The following ABCC11 variants were observed in gnomAD, a reference collection of about 807,000 sequenced individuals.
The protein encoded by ABCC11 is ATP binding cassette subfamily C member 11.
In ABCC11, 135 loss-of-function variants were observed where a neutral mutation model predicts 149.3. That is an observed-to-expected ratio of 0.90 (90% CI 0.79 to 1.04). The LOEUF (loss-of-function observed/expected upper bound fraction) is 1.04. Among genes scored for constraint, ABCC11 ranks in the 50% least tolerant of loss-of-function variants. The pLI is 0.00. For missense variants in ABCC11, 1,680 were observed against 1,722.1 expected, an observed-to-expected ratio of 0.98 and a Z score of 0.43; for synonymous variants, 665 against 671.4, an observed-to-expected ratio of 0.99 and a Z score of 0.15.
intron 26 of ABCC11, among the ~76,000 whole-genome samples, chr16:48,172,372 T>C (rs1335539055): frequency 6.6e-6 from 1 of 152,200 alleles, no homozygotes; most frequent in Non-Finnish European, 1.5e-5. Context: ...TTCAACACTT[T>C]GGGATATATA....
intron 3 of ABCC11, among the ~76,000 whole-genome samples, chr16:48,229,896 C>T (rs944924233): frequency 2.0e-5 from 3 of 152,188 alleles, no homozygotes; most frequent in African/African-American, 7.2e-5. Context: ...TTCCTGGACA[C>T]ATCATGCTGT....
intron 23 of ABCC11, among the ~76,000 whole-genome samples, chr16:48,180,293 T>C (rs955607415): frequency 6.6e-6 from 1 of 152,234 alleles, no homozygotes; most frequent in Non-Finnish European, 1.5e-5. Flanking sequence ...AGTTATCTCC[T>C]CTCCAGCCTT....
At position 48,218,151 on chromosome 16, in the gene ABCC11, C is replaced by T. The variant is rs147452809; in HGVS notation, c.778-1864G>A. Among the ~76,000 whole-genome samples, 508 of 152,126 alleles carry T rather than the reference C, an allele frequency of 3.3e-3. 2 individuals are homozygous for T. Among genetic ancestry groups the T allele is most frequent in the African/African-American group, 0.012 (486 of 41,510 alleles). On this transcript the variant is annotated intron_variant, in intron 6 of 29. Coordinates refer to ENST00000356608, the MANE Select transcript of ABCC11 (RefSeq NM_001370497.1). Reference sequence around the variant, plus strand: ...ATCTCTAAAAAAAATTAAAAATTAGCCAAGCATGGTGGTGTGTGCCTGTAG... The same window carrying T: ...ATCTCTAAAAAAAATTAAAAATTAGTCAAGCATGGTGGTGTGTGCCTGTAG...
chr16:48,246,609 C>T (rs1312013389), intron 1 of ABCC11, among the ~76,000 whole-genome samples: 1 of 152,142 alleles, frequency 6.6e-6, no homozygotes, highest in Non-Finnish European at 1.5e-5. Context: ...CTCATTCTGT[C>T]TCCTCCGCTG....
chr16:48,213,507 A>C lies in ABCC11; in HGVS notation c.1292T>G (p.Val431Gly), dbSNP rs780294017. 6.2e-7 allele frequency: 1 copy of C among 1,611,524 alleles called. No individual in the cohort carries two copies. The highest frequency in any genetic ancestry group is 1.1e-5 in the South Asian group (1 of 90,466). ...TTTGACTGCAATAGGCACAAAGAACACTGACAGCCGAAGGAGATTCAAGGA... is the reference window on the plus strand; with the variant it reads ...TTTGACTGCAATAGGCACAAAGAACCCTGACAGCCGAAGGAGATTCAAGGA... ...LASLNLLRLS[V>G]FFVPIAVKGL... Residue 431 changes from valine to glycine, a missense_variant, in exon 10 of 30, where the codon GTG becomes GGG. Transcript: ENST00000356608.
intron 18 of ABCC11, among the ~76,000 whole-genome samples, chr16:48,195,565 A>G (rs1162142343): frequency 1.3e-5 from 2 of 152,260 alleles, no homozygotes; most frequent in Non-Finnish European, 2.9e-5. Context: ...AAATTACTTG[A>G]TAAGTACAGC....
At chr16:48,186,548 C>T (rs1966755821) in intron 22 of ABCC11, among the ~76,000 whole-genome samples, 1 of 152,134 alleles carries the variant, frequency 6.6e-6, no homozygotes. Context: ...AAATCTATGG[C>T]ATGAGTAGTG....
intron 13 of ABCC11, 149 bp downstream of exon 13, chr16:48,205,264 T>C: frequency 8.1e-7 from 1 of 1,240,982 alleles, no homozygotes; most frequent in Non-Finnish European, 1.1e-6. Flanking sequence ...GATATGATGG[T>C]ATTTCTTTCA....
At position 48,168,955 on chromosome 16, in the gene ABCC11, C is replaced by T. The variant is rs1346993124; in HGVS notation, c.3891+1150G>A. ...GCTTAATGCATGTGGGTCTTAAAACCTAGATGATGGGTTGATGGGTGCAGC... is the reference window on the plus strand; with the variant it reads ...GCTTAATGCATGTGGGTCTTAAAACTTAGATGATGGGTTGATGGGTGCAGC... On this transcript the variant is annotated intron_variant, in intron 28 of 29. Transcript: ENST00000356608. Among the ~76,000 whole-genome samples the T allele has an allele frequency of 2.6e-5, 4 of 152,102 alleles. No individual in the cohort carries two copies. In the East Asian group the frequency reaches 7.7e-4, roughly 29 times the overall value.
chr16:48,240,928 G>A (rs1451938928), intron 1 of ABCC11, among the ~76,000 whole-genome samples: 1 of 151,684 alleles, frequency 6.6e-6, no homozygotes, highest in African/African-American at 2.4e-5. Flanking sequence ...CATGGCCACA[G>A]CATCACTTTT....
chr16:48,232,434 A>C (rs1596851090), intron 1 of ABCC11, among the ~76,000 whole-genome samples: 1 of 152,202 alleles, frequency 6.6e-6, no homozygotes, highest in East Asian at 1.9e-4. Flanking sequence ...ATGAAGAATG[A>C]ATGGACACAT....
At chr16:48,182,226 GCTCCTGCACATACATGCA>G (rs1206081493) in intron 23 of ABCC11, among the ~76,000 whole-genome samples, 1 of 152,186 alleles carries the variant, frequency 6.6e-6, no homozygotes, top group East Asian at 1.9e-4. Context: ...ACATACATGT[GCTCCTGCACATACATGCA>G]CTCCTACACA....
chr16:48,167,171 T>C lies in ABCC11; in HGVS notation c.*103A>G, dbSNP rs539122464. 71 of 453,270 alleles carry C rather than the reference T, an allele frequency of 1.6e-4. 1 individual carries two copies. The highest frequency in any genetic ancestry group is 1.3e-3 in the South Asian group (70 of 53,882). 28.1% of individuals were successfully genotyped at this position (453,270 alleles called of 1,614,324 possible). On this transcript the variant is annotated 3_prime_UTR_variant, in exon 30 of 30. Transcript: ENST00000356608. ...CATTTACCCCTGCTTCCAGGAGAAGTTCTCATCTCCAAACAAGAAGGTCGC... is the reference window on the plus strand; with the variant it reads ...CATTTACCCCTGCTTCCAGGAGAAGCTCTCATCTCCAAACAAGAAGGTCGC...
At chr16:48,215,846 A>T (rs1969301300) in intron 7 of ABCC11, among the ~76,000 whole-genome samples, 1 of 152,228 alleles carries the variant, frequency 6.6e-6, no homozygotes, top group Non-Finnish European at 1.5e-5. Flanking sequence ...TCGCACAGAG[A>T]TTATCTACAA....
intron 22 of ABCC11, among the ~76,000 whole-genome samples, chr16:48,186,581 AGCT>A (rs1285157896): frequency 3.3e-5 from 5 of 152,358 alleles, no homozygotes; most frequent in African/African-American, 1.2e-4. Context: ...TTATTTAGAA[AGCT>A]ATTGTTCCTC....
intron 23 of ABCC11, among the ~76,000 whole-genome samples, chr16:48,180,471 T>C (rs1966359873): frequency 6.6e-6 from 1 of 152,206 alleles, no homozygotes; most frequent in African/African-American, 2.4e-5. Context: ...AGCATAGGCC[T>C]ACCCCAGCCT....
At chr16:48,193,471 G>A (rs185313401) in intron 19 of ABCC11, among the ~76,000 whole-genome samples, 1 of 152,308 alleles carries the variant, frequency 6.6e-6, no homozygotes, top group East Asian at 1.9e-4. Flanking sequence ...CTGAATGTGG[G>A]TGGGGAGATT....
chr16:48,213,284 G>A (rs1202128117), intron 10 of ABCC11, among the ~76,000 whole-genome samples, 159 bp downstream of exon 10: 1 of 152,188 alleles, frequency 6.6e-6, no homozygotes, highest in Non-Finnish European at 1.5e-5. Context: ...TGTCTTCCCA[G>A]GCTCCACACC....
Position 48,221,007 on chromosome 16 carries a change from A to C in ABCC11, c.777+1591T>G, listed in dbSNP as rs185742708. Among the ~76,000 whole-genome samples, 3 of 152,280 alleles carry C rather than the reference A, an allele frequency of 2.0e-5. No homozygotes were observed. The East Asian group carries it at 5.8e-4, about 29-fold the overall frequency. ...TGGAGATCCCGTCACGGAGGAGAGG[A>C]AAAATAAACTGGGTCTTGAAGGATG... On this transcript the variant is annotated intron_variant, in intron 6 of 29. Transcript: ENST00000356608.
Sources: gnomAD v4.1 joint callset for allele counts (sites outside exome capture counted in the v4.1 genomes callset) on GRCh38, gnomAD v4.1.1 for gene constraint, MANE v1.5 for transcripts, NCBI Gene and HGNC (gene_info 2026-07-23, HGNC 2026-07-21) for gene names.